Variants in GPI observed in about 807,000 individuals in gnomAD.
GPI encodes D-hexose-6-phosphate anomerase.
A neutral mutation model predicts 75.8 loss-of-function variants in GPI; 56 were observed. The observed-to-expected ratio is 0.74, with a 90% confidence interval of 0.60 to 0.92. The LOEUF (loss-of-function observed/expected upper bound fraction) is 0.92, where lower values mean the gene tolerates loss of function less well. Ranked by LOEUF, GPI falls within the 40% of genes least tolerant of loss-of-function variation. GPI has a pLI of 0.00. For synonymous variants in GPI, 288 were observed against 285.4 expected (o/e 1.01, Z -0.09); for missense variants, 638 against 741.0 (o/e 0.86, Z 1.61).
At chr19:34,391,897 C>T (rs74466103) in intron 9 of GPI, among the ~76,000 whole-genome samples, 56 of 1,820 alleles carry the variant, frequency 0.031, no homozygotes, top group Middle Eastern at 0.25. Flanking sequence ...TCTGAGGAGG[C>T]AGTATCTGGT....
chr19:34,369,663 C>T (rs1189563995), intron 4 of GPI, among the ~76,000 whole-genome samples: 1 of 151,480 alleles, frequency 6.6e-6, no homozygotes, highest in African/African-American at 2.4e-5. Flanking sequence ...GCTGCGATTG[C>T]GCCACTGCAC....
upstream of GPI, chr19:34,365,190 C>A (rs915331981): frequency 7.4e-6 from 10 of 1,343,024 alleles, no homozygotes; most frequent in Non-Finnish European, 9.6e-6. Flanking sequence ...CGCGCCCACG[C>A]GCCTCGCTTG....
chr19:34,375,701 T>A (rs770639047), intron 4 of GPI, among the ~76,000 whole-genome samples: 3 of 152,208 alleles, frequency 2.0e-5, no homozygotes, highest in Non-Finnish European at 2.9e-5. Context: ...ATGAAACTGT[T>A]TGAATGTCTT....
At chr19:34,364,822 T>G, upstream of GPI, 1 of 593,786 alleles carries the variant, frequency 1.7e-6, no homozygotes, top group Admixed American at 3.1e-5. Flanking sequence ...CCTAGAACAC[T>G]GCCTGTAACG....
chr19:34,371,032 G>A (rs1187091334), intron 4 of GPI, among the ~76,000 whole-genome samples: 1 of 152,252 alleles, frequency 6.6e-6, no homozygotes, highest in African/African-American at 2.4e-5. Context: ...GCCATCTGCT[G>A]TGAGTGGCAG....
chr19:34,361,386 C>G (rs1447525541), upstream of GPI, among the ~76,000 whole-genome samples: 2 of 152,142 alleles, frequency 1.3e-5, no homozygotes, highest in African/African-American at 2.4e-5. Flanking sequence ...GCCACCGTGC[C>G]CGGCCTCATT....
chr19:34,393,453 T>G lies in GPI; in HGVS notation c.865+145T>G, dbSNP rs1173304347. 1 of 806,480 alleles carries G rather than the reference T, an allele frequency of 1.2e-6. No individual in the cohort carries two copies. Among genetic ancestry groups the G allele is most frequent in the Non-Finnish European group, 2.2e-6 (1 of 463,986 alleles). The allele number at this position is 806,480 out of a possible 1,614,324, so 50.0% of individuals were successfully genotyped here. ...AGCTGGCTGGGATATTTATTTCATG[T>G]CCAGAAGGAAGGTCTGGGTTTTTTT... On this transcript the variant is annotated intron_variant, in intron 10 of 17. Transcript: ENST00000356487. The surrounding 1 kb of genome is among the most constrained non-coding windows in gnomAD (Gnocchi z 4.4).
intron 6 of GPI, 52 bp from the exon 7 acceptor site, chr19:34,378,882 C>T: frequency 7.2e-7 from 1 of 1,393,810 alleles, no homozygotes; most frequent in Non-Finnish European, 1.0e-6. Flanking sequence ...TGGCTCAAGG[C>T]CTGCACCCAC....
intron 9 of GPI, among the ~76,000 whole-genome samples, chr19:34,387,321 G>C (rs2074751166): frequency 6.6e-6 from 1 of 151,906 alleles, no homozygotes; most frequent in Non-Finnish European, 1.5e-5. Flanking sequence ...GTCTGCCGAT[G>C]CAGGCTCAGT....
chr19:34,395,559 C>G (rs766577392), intron 12 of GPI, among the ~76,000 whole-genome samples: 1 of 152,128 alleles, frequency 6.6e-6, no homozygotes, highest in Non-Finnish European at 1.5e-5. Flanking sequence ...AAAAAAGAAG[C>G]TGTGCACTCT....
chr19:34,399,068 G>C, intron 14 of GPI, 139 bp from the exon 15 acceptor site: 5 of 678,204 alleles, frequency 7.4e-6, no homozygotes, highest in Non-Finnish European at 1.2e-5. Context: ...CATCGGATGT[G>C]TCCCCCTCGC....
At chr19:34,362,683 C>T (rs898724169), upstream of GPI, among the ~76,000 whole-genome samples, 19 of 152,216 alleles carry the variant, frequency 1.2e-4, no homozygotes, top group Middle Eastern at 3.4e-3. Context: ...TGGCCTGGCC[C>T]CAGGAACCTG....
At chr19:34,368,545 G>T (rs777850547) in intron 3 of GPI, 38 bp from the exon 4 acceptor site, 3 of 1,605,944 alleles carry the variant, frequency 1.9e-6, no homozygotes, top group Non-Finnish European at 2.6e-6. Context: ...GCCTGGGGTT[G>T]GGGGGGGCAG....
In GPI at chr19:34,365,263, C is replaced by A; in HGVS notation, c.-4C>A. 1.9e-6 allele frequency: 3 copies of A among 1,571,714 alleles called. No individual in the cohort carries two copies. The highest frequency in any genetic ancestry group is 1.1e-5 in the South Asian group (1 of 87,184). On this transcript the variant is annotated 5_prime_UTR_variant, in exon 1 of 18. Transcript: ENST00000356487. ...TCTCACTCAGTGTACCTTCTAGTCC[C>A]GCCATGGCCGCTCTCACCCGGGACC...
At chr19:34,373,282 A>G (rs1158684543) in intron 4 of GPI, among the ~76,000 whole-genome samples, 1 of 151,804 alleles carries the variant, frequency 6.6e-6, no homozygotes, top group African/African-American at 2.4e-5. Flanking sequence ...CCAGCTACTC[A>G]GGAGACTGAG....
Position 34,366,349 on chromosome 19 carries a change from AC to A in GPI, c.130del (p.Leu44SerfsTer17). 1 of 1,607,152 alleles carries A rather than the reference AC, an allele frequency of 6.2e-7. No homozygotes were observed. Among genetic ancestry groups the A allele is most frequent in the African/African-American group, 1.3e-5 (1 of 74,848 alleles). On this transcript the variant is annotated frameshift_variant, in exon 2 of 18. Transcript: ENST00000356487. LOFTEE classifies it high-confidence loss of function. The part of the protein sequence containing the change: ...NKDRFNHFSL[T>X]LNTNHGHILV... ...AGCATCTCCATCTTTCTGCAGCTTG[AC>A]CCTCAACACCAACCATGGGCATATC...
At chr19:34,381,736 G>A (rs1365291819) in intron 9 of GPI, 4 of 623,784 alleles carry the variant, frequency 6.4e-6, no homozygotes, top group Admixed American at 5.0e-5. Flanking sequence ...AGCTTGCAGG[G>A]CCACATGACA....
Position 34,393,572 on chromosome 19 carries a change from ACC to A in GPI, c.866-155_866-154del. On this transcript the variant is annotated intron_variant, in intron 10 of 17. Transcript: ENST00000356487. The surrounding 1 kb of genome is among the most constrained non-coding windows in gnomAD (Gnocchi z 4.4). ...GAGTCAGATCCCTGCACTCAGGGCC[ACC>A]TCTCACTGGAGGGGCTTTGTCTAGG... 1 of 757,920 alleles carries A rather than the reference ACC, an allele frequency of 1.3e-6. No individual in the cohort carries two copies. Among genetic ancestry groups the A allele is most frequent in the Admixed American group, 2.0e-5 (1 of 50,058 alleles). 46.9% of individuals were successfully genotyped at this position (757,920 alleles called of 1,614,324 possible).
In GPI at chr19:34,401,555, G is replaced by A. The variant is rs992490640; in HGVS notation, c.*1519G>A. The A allele has an allele frequency of 5.3e-5, 8 of 152,106 alleles. No individual in the cohort carries two copies. The highest frequency in any genetic ancestry group is 1.9e-4 in the African/African-American group (8 of 41,396). 9.4% of individuals were successfully genotyped at this position (152,106 alleles called of 1,614,324 possible). A position where few individuals can be genotyped will look rare whatever the true frequency, so the allele number is the denominator to read the frequency against. ...TTGCTGTGTTTCCCAGACTAGACTG[G>A]TCTTGAATTCCAGGGCTCAAGAGAT... is the stretch of plus-strand genomic sequence containing the variant. On this transcript the variant is annotated 3_prime_UTR_variant, in exon 18 of 18. Coordinates refer to ENST00000356487, the MANE Select transcript of GPI (RefSeq NM_000175.5).
Sources: gnomAD v4.1 joint callset for allele counts (sites outside exome capture counted in the v4.1 genomes callset) on GRCh38, gnomAD v4.1.1 for gene constraint, Gnocchi (gnomAD v3.1) non-coding constraint, MANE v1.5 for transcripts, NCBI Gene and HGNC (gene_info 2026-07-23, HGNC 2026-07-21) for gene names.